The following MRPS33 variants were observed in gnomAD, a reference collection of about 807,000 sequenced individuals.
MRPS33 encodes small ribosomal subunit protein mS33.
A neutral mutation model predicts 11.2 loss-of-function variants in MRPS33; 11 were observed. The observed-to-expected ratio is 0.99, with a 90% CI of 0.62 to 1.63. The LOEUF (loss-of-function observed/expected upper bound fraction) is 1.63, where lower values mean the gene tolerates loss of function less well. MRPS33 is among the 40% of genes most tolerant of loss of function. The pLI, the probability that MRPS33 is intolerant of heterozygous loss-of-function variation, is 0.00. For missense variants in MRPS33, 109 were observed against 127.8 expected (o/e 0.85, Z 0.71); for synonymous variants, 46 against 44.0 (o/e 1.05, Z -0.18).
intron 2 of MRPS33, among the ~76,000 whole-genome samples, chr7:141,009,306 A>C (rs1820613952): frequency 6.6e-6 from 1 of 150,940 alleles, no homozygotes; most frequent in Non-Finnish European, 1.5e-5. Flanking sequence ...TAATTTTTGT[A>C]TTTTTAGTAG....
At chr7:141,007,863 T>C (rs1820571972) in intron 2 of MRPS33, among the ~76,000 whole-genome samples, 1 of 152,206 alleles carries the variant, frequency 6.6e-6, no homozygotes, top group Non-Finnish European at 1.5e-5. Context: ...CAGCCGGCTC[T>C]ACTATTTTTT....
chr7:141,011,403 G>A (rs183592402), intron 1 of MRPS33, among the ~76,000 whole-genome samples: 2 of 152,258 alleles, frequency 1.3e-5, no homozygotes, highest in Admixed American at 1.3e-4. Context: ...CTTATCAGCT[G>A]GAAACAGTAG....
At chr7:141,013,152 G>C (rs1188722397) in intron 1 of MRPS33, among the ~76,000 whole-genome samples, 2 of 151,844 alleles carry the variant, frequency 1.3e-5, no homozygotes, top group Admixed American at 6.6e-5. Context: ...CATTTACAAA[G>C]ACTGACAGCC....
Position 141,002,928 on chromosome 7 carries a change from T to A in MRPS33, c.*3502A>T, listed in dbSNP as rs780016552. On this transcript the variant is annotated 3_prime_UTR_variant, in exon 3 of 3. Coordinates refer to ENST00000324787, the MANE Select transcript of MRPS33 (RefSeq NM_053035.3). The stretch of plus-strand genomic sequence containing the variant: ...CTTACTAGTCACATAATGTGCTATA[T>A]GTAAAAGTTTTTAACTTTTTATAAT... 7 of 152,284 alleles carry A rather than the reference T, an allele frequency of 4.6e-5. No homozygotes were observed. Among genetic ancestry groups the A allele is most frequent in the Non-Finnish European group, 1.0e-4 (7 of 68,100 alleles). The allele number at this position is 152,284 out of a possible 1,614,324, so 9.4% of individuals were successfully genotyped here.
At chr7:141,009,433 G>C (rs1820618008) in intron 2 of MRPS33, among the ~76,000 whole-genome samples, 1 of 48,746 alleles carries the variant, frequency 2.1e-5, no homozygotes, top group Non-Finnish European at 4.0e-5. Context: ...TGCCTGGCCT[G>C]ATCTTTTTTT....
intron 1 of MRPS33, chr7:141,014,622 G>A (rs1181906233): frequency 6.6e-6 from 1 of 152,226 alleles, no homozygotes; most frequent in Admixed American, 6.5e-5. Context: ...CGAAGGCCGT[G>A]TGATGAGCAG....
chr7:141,010,628 G>A lies in MRPS33; in HGVS notation c.6C>T (p.Ser2=), dbSNP rs749963525. Residue 2 remains serine, a synonymous_variant, in exon 2 of 3, where the codon TCC becomes TCT. Coordinates refer to ENST00000324787, the MANE Select transcript of MRPS33 (RefSeq NM_053035.3). M[S]SLSEYAFRMS... ...TGCGGAAGGCATATTCTGAAAGGGA[G>A]GACATTTCTTGAGTGGCAAGGAGTT... 9 of 1,613,930 alleles carry A rather than the reference G, an allele frequency of 5.6e-6. No individual in the cohort carries two copies. Among genetic ancestry groups the A allele is most frequent in the Non-Finnish European group, 6.8e-6 (8 of 1,179,938 alleles).
At chr7:141,010,394 G>C (rs554143340) in intron 2 of MRPS33, 25 bp downstream of exon 2, 2 of 1,609,262 alleles carry the variant, frequency 1.2e-6, no homozygotes, top group African/African-American at 2.7e-5. Context: ...GTCTCTCATA[G>C]GTCCCTCTTT....
In MRPS33 at chr7:141,002,882, C is replaced by T. The variant is rs1044927; in HGVS notation, c.*3548G>A. On this transcript the variant is annotated 3_prime_UTR_variant, in exon 3 of 3. Coordinates refer to ENST00000324787, the MANE Select transcript of MRPS33 (RefSeq NM_053035.3). ...GTGTCAATGCTGCCACAGAAAATTG[C>T]GCTAGTAAGACACAGCAGTACTTAC... 0.73 allele frequency: 112,477 copies of T among 153,524 alleles called. 42,150 individuals carry two copies. Among genetic ancestry groups the T allele is most frequent in the East Asian group, 0.9 (4,709 of 5,224 alleles). 9.5% of individuals were successfully genotyped at this position (153,524 alleles called of 1,614,324 possible). A position where few individuals can be genotyped will look rare whatever the true frequency, so the allele number is the denominator to read the frequency against.
chr7:141,012,259 G>C (rs896031031), intron 1 of MRPS33, among the ~76,000 whole-genome samples: 1 of 146,332 alleles, frequency 6.8e-6, no homozygotes, highest in African/African-American at 2.5e-5. Context: ...AAGCAATTTT[G>C]GGTCAATAGT....
At chr7:141,012,573 C>A (rs1456443729) in intron 1 of MRPS33, among the ~76,000 whole-genome samples, 1 of 152,132 alleles carries the variant, frequency 6.6e-6, no homozygotes, top group Non-Finnish European at 1.5e-5. Context: ...CTTCCTTTGC[C>A]CTTTAAAGTT....
rs774127185 is a variant in MRPS33 at position 141,010,623 on chromosome 7, A to T, written c.11T>A (p.Leu4His). ...AGACATGCGGAAGGCATATTCTGAA[A>T]GGGAGGACATTTCTTGAGTGGCAAG... Reference protein sequence around the residue: MSSLSEYAFRMSRL... With the variant: MSSHSEYAFRMSRL... Residue 4 changes from leucine (L) to histidine (H), a missense_variant, in exon 2 of 3, where the codon CTT (leucine) becomes CAT (histidine). Transcript: ENST00000324787. 3 of 1,614,192 alleles carry T rather than the reference A, an allele frequency of 1.9e-6. No homozygotes were observed. The highest frequency in any genetic ancestry group is 2.5e-6 in the Non-Finnish European group (3 of 1,180,002).
rs1820444905 is a variant in MRPS33 at position 141,003,098 on chromosome 7, TAA to T, written c.*3330_*3331del. ...ATCACAAACCCATGACTTTTGAATCTAAAACCCAGTCTTTTTACTATGTTATG... is the reference window on the plus strand; with the variant it reads ...ATCACAAACCCATGACTTTTGAATCTAACCCAGTCTTTTTACTATGTTATG... On this transcript the variant is annotated 3_prime_UTR_variant, in exon 3 of 3. Coordinates refer to ENST00000324787, the MANE Select transcript of MRPS33 (RefSeq NM_053035.3). The T allele has an allele frequency of 6.6e-6, 1 of 152,244 alleles. No homozygotes were observed. The highest frequency in any genetic ancestry group is 1.5e-5 in the Non-Finnish European group (1 of 68,062). The allele number at this position is 152,244 out of a possible 1,614,324, so 9.4% of individuals were successfully genotyped here. A position where few individuals can be genotyped will look rare whatever the true frequency, so the allele number is the denominator to read the frequency against.
Position 141,006,139 on chromosome 7 carries a change from C to T in MRPS33, c.*291G>A, listed in dbSNP as rs80289182. ...GTTTCCCCTCCATTCCCCCAGCATC[C>T]CATCCCACCCCAAACAAATCATCAA... On this transcript the variant is annotated 3_prime_UTR_variant, in exon 3 of 3. Transcript: ENST00000324787. The T allele has an allele frequency of 0.028, 10,525 of 380,156 alleles. 215 individuals carry two copies. Among genetic ancestry groups the T allele is most frequent in the African/African-American group, 0.06 (2,889 of 48,340 alleles). The allele number at this position is 380,156 out of a possible 1,614,324, so 23.5% of individuals were successfully genotyped here. A position where few individuals can be genotyped will look rare whatever the true frequency, so the allele number is the denominator to read the frequency against.
rs186048650 is a variant in MRPS33 at position 141,003,431 on chromosome 7, G to C, written c.*2999C>G. 6.6e-6 allele frequency: 1 copy of C among 152,178 alleles called. No individual in the cohort carries two copies. The highest frequency in any genetic ancestry group is 2.4e-5 in the African/African-American group (1 of 41,444). The allele number at this position is 152,178 out of a possible 1,614,324, so 9.4% of individuals were successfully genotyped here. On this transcript the variant is annotated 3_prime_UTR_variant, in exon 3 of 3. Coordinates refer to ENST00000324787, the MANE Select transcript of MRPS33 (RefSeq NM_053035.3). ...ACACAGCTTGCTCTATCAATTGAAGGTATAGCTTATGTACAAATGTATTTT... is the reference window on the plus strand; with the variant it reads ...ACACAGCTTGCTCTATCAATTGAAGCTATAGCTTATGTACAAATGTATTTT...
At chr7:141,012,191 A>AAAAAAAAAAAAAAC (rs1820692488) in intron 1 of MRPS33, among the ~76,000 whole-genome samples, 4 of 150,086 alleles carry the variant, frequency 2.7e-5, no homozygotes, top group East Asian at 1.9e-4. Flanking sequence ...AAAAAAAAAA[A>AAAAAAAAAAAAAAC]AAAGCAGAGG....
intron 2 of MRPS33, 44 bp from the exon 3 acceptor site, chr7:141,006,579 G>A: frequency 6.6e-7 from 1 of 1,511,580 alleles, no homozygotes. Context: ...ATTTTTACGA[G>A]TAGAAAAGTA....
At chr7:141,009,197 T>A (rs879758129) in intron 2 of MRPS33, among the ~76,000 whole-genome samples, 2 of 151,468 alleles carry the variant, frequency 1.3e-5, no homozygotes, top group Non-Finnish European at 2.9e-5. Flanking sequence ...AGTGGCATGA[T>A]CTTGACTCAC....
intron 1 of MRPS33, among the ~76,000 whole-genome samples, chr7:141,012,723 T>TA (rs1299097595): frequency 6.6e-6 from 1 of 152,234 alleles, no homozygotes; most frequent in Non-Finnish European, 1.5e-5. Flanking sequence ...TGTAAGCTGG[T>TA]ATGGGAACTA....
Sources: allele counts gnomAD v4.1 joint callset (sites outside exome capture counted in the v4.1 genomes callset), GRCh38; gene constraint gnomAD v4.1.1; transcripts MANE v1.5; gene names NCBI Gene and HGNC (gene_info 2026-07-23, HGNC 2026-07-21).